The following CUL3 variants were observed in gnomAD, a reference collection of about 807,000 sequenced individuals.
CUL3 encodes cullin-3.
A neutral mutation model predicts 89.1 loss-of-function variants in CUL3; 19 were observed. The ratio of observed to expected loss-of-function variants is 0.21; its 90% CI spans 0.15 to 0.31. The LOEUF (loss-of-function observed/expected upper bound fraction) is 0.31. Ranked by LOEUF, CUL3 falls within the 10% of genes least tolerant of loss-of-function variation. CUL3 has a pLI of 1.00. For synonymous variants in CUL3, 351 were observed against 308.4 expected (o/e 1.14, Z -1.45); for missense variants, 469 against 942.3 (o/e 0.50, Z 6.58).
At chr2:224,557,295 T>G in intron 2 of CUL3, among the ~76,000 whole-genome samples, 1 of 152,134 alleles carries the variant, frequency 6.6e-6, no homozygotes, top group Non-Finnish European at 1.5e-5. Context: ...TTAAACAACG[T>G]AGTTTTATTG....
intron 2 of CUL3, among the ~76,000 whole-genome samples, chr2:224,554,995 T>C (rs1694650989): frequency 6.6e-6 from 1 of 152,176 alleles, no homozygotes; most frequent in Non-Finnish European, 1.5e-5. Context: ...GGGCTCTTCA[T>C]TTTCTGAACT....
chr2:224,502,733 A>G (rs16866016), intron 10 of CUL3, among the ~76,000 whole-genome samples: 2,837 of 152,316 alleles, frequency 0.019, 107 homozygotes, highest in African/African-American at 0.065. Flanking sequence ...TTAAATTGTC[A>G]GTGTATTCCT....
Position 224,472,326 on chromosome 2 carries a change from A to G in CUL3, c.*1919T>C, listed in dbSNP as rs1355994057. 1.4e-5 allele frequency: 3 copies of G among 212,528 alleles called. No homozygotes were observed. The highest frequency in any genetic ancestry group is 7.1e-5 in the East Asian group (1 of 14,092). The allele number at this position is 212,528 out of a possible 1,614,324, so 13.2% of individuals were successfully genotyped here. On this transcript the variant is annotated 3_prime_UTR_variant, in exon 16 of 16. Transcript: ENST00000264414. The stretch of plus-strand genomic sequence containing the variant: ...ATGTCTCACTTAGGAGATTTCAAAT[A>G]AAGTTTTTACATCGCTCATGTTTAC...
Position 224,558,151 on chromosome 2 carries a change from G to A in CUL3, c.67-295C>T, listed in dbSNP as rs117455744. ...TAAAATCATAATGATTTATATACCCGTAAGTCACTTACCCCTTATCTCTCT... is the reference window on the plus strand; with the variant it reads ...TAAAATCATAATGATTTATATACCCATAAGTCACTTACCCCTTATCTCTCT... On this transcript the variant is annotated intron_variant, in intron 1 of 15. Transcript: ENST00000264414. 1.1e-4 allele frequency among the ~76,000 whole-genome samples: 17 copies of A among 152,106 alleles called. No individual in the cohort carries two copies. The East Asian group carries it at 3.1e-3, about 28-fold the overall frequency.
At chr2:224,497,589 G>C (rs1243867566) in intron 12 of CUL3, among the ~76,000 whole-genome samples, 164 bp downstream of exon 12, 2 of 152,286 alleles carry the variant, frequency 1.3e-5, no homozygotes, top group Admixed American at 1.3e-4. Flanking sequence ...TAGCAACTGA[G>C]AGAACAGAAG....
chr2:224,573,064 C>A (rs1645421960), intron 1 of CUL3, among the ~76,000 whole-genome samples: 1 of 152,134 alleles, frequency 6.6e-6, no homozygotes, highest in Non-Finnish European at 1.5e-5. Flanking sequence ...TGATAGCATT[C>A]ATCAAAAAAG....
At chr2:224,484,313 C>T (rs897445866) in intron 13 of CUL3, among the ~76,000 whole-genome samples, 1 of 152,058 alleles carries the variant, frequency 6.6e-6, no homozygotes. Flanking sequence ...TCATGTTTGG[C>T]TAAAAATGAA....
intron 1 of CUL3, chr2:224,569,929 C>CT (rs2106320049): frequency 6.7e-6 from 1 of 149,862 alleles, no homozygotes; most frequent in African/African-American, 3.5e-5. Context: ...AGGGAAAATA[C>CT]TTGATCTTAA....
At chr2:224,492,985 C>T (rs149833819) in intron 13 of CUL3, among the ~76,000 whole-genome samples, 1 of 152,260 alleles carries the variant, frequency 6.6e-6, no homozygotes, top group African/African-American at 2.4e-5. Context: ...TAACAACATC[C>T]AGAACAAATT....
At chr2:224,490,458 A>T (rs944289641) in intron 13 of CUL3, among the ~76,000 whole-genome samples, 1 of 151,326 alleles carries the variant, frequency 6.6e-6, no homozygotes, top group East Asian at 2.0e-4. Flanking sequence ...ATCCAATAAC[A>T]GCGCAGCCAG....
chr2:224,482,515 C>A (rs1274988790), intron 13 of CUL3, among the ~76,000 whole-genome samples: 1 of 151,832 alleles, frequency 6.6e-6, no homozygotes, highest in Admixed American at 6.6e-5. Flanking sequence ...TAAGCCTGAG[C>A]TCAGGCCTTC....
At chr2:224,584,714 G>A (rs1049347228) in intron 1 of CUL3, among the ~76,000 whole-genome samples, 2 of 148,800 alleles carry the variant, frequency 1.3e-5, no homozygotes, top group East Asian at 2.0e-4. Flanking sequence ...CTCCCGGACG[G>A]GGGCGCGGCG....
At chr2:224,549,666 A>C (rs1434441032) in intron 2 of CUL3, among the ~76,000 whole-genome samples, 2 of 152,210 alleles carry the variant, frequency 1.3e-5, no homozygotes, top group Admixed American at 1.3e-4. Context: ...TAGAAGAAGA[A>C]AAGGCAAGTC....
At position 224,501,169 on chromosome 2, in the gene CUL3, T is replaced by TCA. The variant is rs10667086; in HGVS notation, c.1486-684_1486-683dup. 8.9e-3 allele frequency among the ~76,000 whole-genome samples: 1,359 copies of TCA among 152,344 alleles called. 19 individuals carry two copies. Among genetic ancestry groups the TCA allele is most frequent in the African/African-American group, 0.031 (1,299 of 41,580 alleles). ...AAATTCTAGCATAATATCCTTCGTC[T>TCA]CAGTTTTAAAATATTTTTACTATCT... On this transcript the variant is annotated intron_variant, in intron 10 of 15. Transcript: ENST00000264414.
At chr2:224,539,074 C>T (rs1215001468) in intron 2 of CUL3, among the ~76,000 whole-genome samples, 1 of 151,996 alleles carries the variant, frequency 6.6e-6, no homozygotes, top group Non-Finnish European at 1.5e-5. Flanking sequence ...TTGCAAAAGA[C>T]AAAGCTAATA....
Position 224,497,801 on chromosome 2 carries a change from A to G in CUL3, c.1659T>C (p.His553=). 4 of 1,614,006 alleles carry G rather than the reference A, an allele frequency of 2.5e-6. No individual in the cohort carries two copies. In the South Asian group the frequency reaches 4.4e-5, roughly 18 times the overall value. The change falls in exon 12 of 16, where the codon CAT becomes CAC. Residue 553 remains histidine, a synonymous_variant. Transcript: ENST00000264414. ...HSGRQLTLQH[H]MGSADLNATF... is the part of the protein sequence containing the mutation. The stretch of plus-strand genomic sequence containing the variant: ...TGGCATTGAGATCTGCAGAACCCAT[A>G]TGATGCTGGAGTGTGAGCTGTCGAC...
At chr2:224,554,739 TA>T (rs1343504193) in intron 2 of CUL3, among the ~76,000 whole-genome samples, 2 of 152,302 alleles carry the variant, frequency 1.3e-5, no homozygotes, top group South Asian at 2.1e-4. Flanking sequence ...TTGTGTTAAT[TA>T]TCATTCCCTA....
rs538602711 is a variant in CUL3 at position 224,476,545 on chromosome 2, C to T, written c.2175+1655G>A. 7.9e-5 allele frequency among the ~76,000 whole-genome samples: 12 copies of T among 152,256 alleles called. 1 individual carries two copies. In the East Asian group the frequency reaches 1.5e-3, roughly 20 times the overall value. On this transcript the variant is annotated intron_variant, in intron 15 of 15. Transcript: ENST00000264414. ...TCGGGTTTCACATAGAGAAAAGAAGCCATTTCAATTTGAAGTTCTTTAAAT... is the reference window on the plus strand; with the variant it reads ...TCGGGTTTCACATAGAGAAAAGAAGTCATTTCAATTTGAAGTTCTTTAAAT...
At chr2:224,509,707 T>C (rs1692742175) in intron 6 of CUL3, among the ~76,000 whole-genome samples, 1 of 152,254 alleles carries the variant, frequency 6.6e-6, no homozygotes, top group South Asian at 2.1e-4. Context: ...AGAGATGCTG[T>C]AATTCAGGTA....
Sources: gnomAD v4.1 joint callset for allele counts (sites outside exome capture counted in the v4.1 genomes callset) on GRCh38, gnomAD v4.1.1 for gene constraint, MANE v1.5 for transcripts, NCBI Gene and HGNC (gene_info 2026-07-23, HGNC 2026-07-21) for gene names.